The following GPC5 variants were observed in gnomAD, a reference collection of about 807,000 sequenced individuals.
The protein encoded by GPC5 is glypican 5.
GPC5 carries 47 observed loss-of-function variants against 53.9 expected under a neutral mutation model. That is an observed-to-expected ratio of 0.87 (90% CI 0.69 to 1.11). The LOEUF (loss-of-function observed/expected upper bound fraction) is 1.11, where lower values mean the gene tolerates loss of function less well. GPC5 is among the 50% of genes most tolerant of loss of function. The pLI is 0.00. For missense variants in GPC5, 748 were observed against 713.1 expected, an observed-to-expected ratio of 1.05 and a Z score of -0.56; for synonymous variants, 286 against 263.3, an observed-to-expected ratio of 1.09 and a Z score of -0.84.
chr13:92,733,109 C>T (rs1241015737), intron 7 of GPC5, among the ~76,000 whole-genome samples: 1 of 151,622 alleles, frequency 6.6e-6, no homozygotes, highest in African/African-American at 2.4e-5. Flanking sequence ...TGACAGATAT[C>T]ATCATGCAAT....
rs555163039 is a variant in GPC5, at chr13:92,287,740, T to C, written c.1561+142751T>C. On this transcript the variant is annotated intron_variant, in intron 7 of 7. Coordinates refer to ENST00000377067, the MANE Select transcript of GPC5 (RefSeq NM_004466.6). ...GGCTTTGGAAAGTTTGGTTATAATGTGTCTCAGTGTAAGATCCTGCTTGTA... is the reference window on the plus strand; with the variant it reads ...GGCTTTGGAAAGTTTGGTTATAATGCGTCTCAGTGTAAGATCCTGCTTGTA... Among the ~76,000 whole-genome samples the C allele has an allele frequency of 2.0e-5, 3 of 152,278 alleles. No individual in the cohort carries two copies. The South Asian group carries it at 6.2e-4, about 32-fold the overall frequency.
intron 2 of GPC5, among the ~76,000 whole-genome samples, chr13:91,571,995 A>ATGTGTATATATGCATATATGCATATACG (rs2031880957): frequency 7.7e-6 from 1 of 130,546 alleles, no homozygotes; most frequent in Non-Finnish European, 1.5e-5. Context: ...ATATGTGTAT[A>ATGTGTATATATGCATATATGCATATACG]TGTGTATATA....
At chr13:92,010,570 G>T (rs996083677) in intron 6 of GPC5, among the ~76,000 whole-genome samples, 1 of 152,076 alleles carries the variant, frequency 6.6e-6, no homozygotes, top group African/African-American at 2.4e-5. Context: ...CTATTTTTGG[G>T]CAATAATTAA....
chr13:91,973,240 T>G (rs1469091123), intron 6 of GPC5, among the ~76,000 whole-genome samples: 1 of 152,236 alleles, frequency 6.6e-6, no homozygotes, highest in Non-Finnish European at 1.5e-5. Flanking sequence ...CTGATACCCT[T>G]TCTTCCAGTT....
At chr13:92,728,610 A>G (rs1449060983) in intron 7 of GPC5, among the ~76,000 whole-genome samples, 2 of 151,392 alleles carry the variant, frequency 1.3e-5, no homozygotes, top group African/African-American at 4.8e-5. Context: ...AAATGTTGAC[A>G]CATAAAATAC....
chr13:92,613,536 AAATAT>A (rs1294158767), intron 7 of GPC5, among the ~76,000 whole-genome samples: 5 of 125,646 alleles, frequency 4.0e-5, no homozygotes, highest in South Asian at 2.2e-4. Context: ...TTTATATATA[AAATAT>A]AATATATAAT....
At chr13:92,500,453 G>T (rs537207774) in intron 7 of GPC5, among the ~76,000 whole-genome samples, 1 of 152,146 alleles carries the variant, frequency 6.6e-6, no homozygotes, top group Admixed American at 6.5e-5. Context: ...GATGGTCAAA[G>T]GTTAGTCTTA....
intron 7 of GPC5, among the ~76,000 whole-genome samples, chr13:92,152,512 A>G (rs2041914201): frequency 6.6e-6 from 1 of 152,198 alleles, no homozygotes; most frequent in Non-Finnish European, 1.5e-5. Context: ...ATGCTTCTAT[A>G]AATTAGTAAT....
At chr13:92,666,078 GA>G (rs1369854948) in intron 7 of GPC5, among the ~76,000 whole-genome samples, 2 of 151,928 alleles carry the variant, frequency 1.3e-5, no homozygotes, top group African/African-American at 4.8e-5. Context: ...GCTTTATATT[GA>G]AAAAATAAGT....
chr13:91,809,598 T>C (rs1410383021), intron 5 of GPC5, among the ~76,000 whole-genome samples: 1 of 152,138 alleles, frequency 6.6e-6, no homozygotes, highest in African/African-American at 2.4e-5. Flanking sequence ...TACTTTTGTT[T>C]GTTACAGAAT....
intron 5 of GPC5, among the ~76,000 whole-genome samples, chr13:91,768,652 G>C (rs1324033583): frequency 2.0e-5 from 3 of 152,102 alleles, no homozygotes; most frequent in Non-Finnish European, 4.4e-5. Context: ...ACAGAATCTA[G>C]ACCTTTTTAG....
chr13:92,230,488 T>C (rs993838787), intron 7 of GPC5, among the ~76,000 whole-genome samples: 3 of 152,094 alleles, frequency 2.0e-5, no homozygotes, highest in Non-Finnish European at 4.4e-5. Context: ...AATCTTCTCT[T>C]TTTGCTATCA....
intron 2 of GPC5, among the ~76,000 whole-genome samples, chr13:91,529,945 C>CT (rs1390438714): frequency 1.3e-5 from 2 of 151,466 alleles, no homozygotes; most frequent in Non-Finnish European, 2.9e-5. Context: ...AGTTGTCTCT[C>CT]TTTTTTTTTC....
intron 7 of GPC5, among the ~76,000 whole-genome samples, chr13:92,555,361 T>C (rs1882458683): frequency 6.6e-6 from 1 of 151,572 alleles, no homozygotes; most frequent in Admixed American, 6.6e-5. Flanking sequence ...CTTAAAATAA[T>C]ATTTAAATGT....
chr13:92,710,770 G>C (rs928847685), intron 7 of GPC5, among the ~76,000 whole-genome samples: 1 of 151,970 alleles, frequency 6.6e-6, no homozygotes, highest in Non-Finnish European at 1.5e-5. Context: ...AGTGGTCAGG[G>C]GATCAAGCTT....
intron 7 of GPC5, among the ~76,000 whole-genome samples, chr13:92,824,141 T>C (rs1324841408): frequency 6.6e-6 from 1 of 152,112 alleles, no homozygotes; most frequent in Non-Finnish European, 1.5e-5. Context: ...ATTTGCTTCC[T>C]GAAAACTCTG....
At chr13:91,956,521 A>G (rs2040075173) in intron 6 of GPC5, among the ~76,000 whole-genome samples, 1 of 151,974 alleles carries the variant, frequency 6.6e-6, no homozygotes, top group South Asian at 2.1e-4. Flanking sequence ...GCCGCCAGAA[A>G]TGGCCTGCCT....
intron 7 of GPC5, among the ~76,000 whole-genome samples, chr13:92,634,582 C>T (rs1885355153): frequency 6.6e-6 from 1 of 152,058 alleles, no homozygotes; most frequent in African/African-American, 2.4e-5. Context: ...ATTCATCCTG[C>T]CTAACCGAAA....
chr13:92,259,825 T>C (rs2042752668), intron 7 of GPC5, among the ~76,000 whole-genome samples: 1 of 152,152 alleles, frequency 6.6e-6, no homozygotes, highest in Non-Finnish European at 1.5e-5. Flanking sequence ...TCTGTAACCC[T>C]GCAGATCAGA....
Sources: allele counts gnomAD v4.1 joint callset (sites outside exome capture counted in the v4.1 genomes callset), GRCh38; gene constraint gnomAD v4.1.1; transcripts MANE v1.5; gene names NCBI Gene and HGNC (gene_info 2026-07-23, HGNC 2026-07-21).